MTMR7: variants seen among roughly 807,000 people sequenced by gnomAD.
MTMR7 encodes myotubularin related protein 7.
MTMR7 carries 76 observed loss-of-function variants against 81.2 expected under a neutral mutation model. That is an observed-to-expected ratio of 0.94 (90% CI 0.78 to 1.13). The LOEUF is 1.13. Ranked by LOEUF, MTMR7 falls within the 50% of genes most tolerant of loss-of-function variation. The probability of loss-of-function intolerance (pLI) is 0.00; values close to 1 mark genes in which losing one functional copy is unlikely to be tolerated. For missense variants in MTMR7, 1,044 were observed against 820.0 expected, an observed-to-expected ratio of 1.27 and a Z score of -3.34; for synonymous variants, 372 against 289.8, an observed-to-expected ratio of 1.28 and a Z score of -2.88.
intron 1 of MTMR7, among the ~76,000 whole-genome samples, chr8:17,406,781 C>A (rs767427989): frequency 6.6e-6 from 1 of 152,092 alleles, no homozygotes; most frequent in Non-Finnish European, 1.5e-5. Context: ...AGCCACAGAA[C>A]AGATAAAACG....
intron 7 of MTMR7, among the ~76,000 whole-genome samples, chr8:17,314,190 G>T (rs985661164): frequency 6.6e-6 from 1 of 152,028 alleles, no homozygotes; most frequent in African/African-American, 2.4e-5. Flanking sequence ...TCACAAATAC[G>T]GCAATCCAAA....
In MTMR7 at chr8:17,313,378, T is replaced by A. The variant is rs772809203; in HGVS notation, c.889A>T (p.Met297Leu). Residue 297 changes from methionine to leucine, a missense_variant, in exon 8 of 14, where the codon ATG becomes TTG. Physicochemically the swap from Met to Leu is conservative, Grantham distance 15. Coordinates refer to ENST00000180173, the MANE Select transcript of MTMR7 (RefSeq NM_004686.5). ...LEVCELKSPS[M>L]SDFLWGLENS... is the part of the protein sequence containing the mutation. ...TCCAGACCCCACAGGAAATCACTCA[T>A]GGAGGGAGATTTAAGTTCACACACT... 3.2e-5 allele frequency: 52 copies of A among 1,611,850 alleles called. No homozygotes were observed. Among genetic ancestry groups the A allele is most frequent in the Non-Finnish European group, 4.2e-5 (49 of 1,178,488 alleles).
intron 10 of MTMR7, among the ~76,000 whole-genome samples, chr8:17,308,089 T>TA (rs572550935): frequency 5.7e-4 from 87 of 152,090 alleles, no homozygotes; most frequent in African/African-American, 2.1e-3. Flanking sequence ...ATAATTGCAT[T>TA]ATGGGAGACT....
At position 17,305,751 on chromosome 8, in the gene MTMR7, A is replaced by G. The variant is rs780195763; in HGVS notation, c.1352+6T>C. ...AGTTAAACACCAAAAACACCAAAAC[A>G]CTTACTTGAGTTCTCGTCTCTCCTT... On this transcript the variant is annotated splice_donor_region_variant and intron_variant, in intron 11 of 13. Coordinates refer to ENST00000180173, the MANE Select transcript of MTMR7 (RefSeq NM_004686.5). 4 of 1,601,516 alleles carry G rather than the reference A, an allele frequency of 2.5e-6. No homozygotes were observed. The highest frequency in any genetic ancestry group is 4.5e-5 in the East Asian group (2 of 44,730).
chr8:17,332,383 G>T (rs151170046), intron 6 of MTMR7, among the ~76,000 whole-genome samples: 4 of 152,258 alleles, frequency 2.6e-5, no homozygotes, highest in African/African-American at 9.6e-5. Flanking sequence ...GCCCAAGAAT[G>T]TTTATTGAAA....
chr8:17,413,107 C>A (rs1420166717), intron 1 of MTMR7, among the ~76,000 whole-genome samples, 162 bp downstream of exon 1: 1 of 152,212 alleles, frequency 6.6e-6, no homozygotes, highest in Non-Finnish European at 1.5e-5. Context: ...ACCGGGCTCG[C>A]AGGCACCCCG....
At chr8:17,376,230 G>A (rs577383001) in intron 1 of MTMR7, among the ~76,000 whole-genome samples, 4 of 152,194 alleles carry the variant, frequency 2.6e-5, no homozygotes, top group African/African-American at 4.8e-5. Flanking sequence ...CTCAATCTAC[G>A]TTTCAATCCA....
intron 1 of MTMR7, among the ~76,000 whole-genome samples, chr8:17,411,949 C>G (rs1407933663): frequency 6.6e-6 from 1 of 152,234 alleles, no homozygotes; most frequent in African/African-American, 2.4e-5. Flanking sequence ...TTGGCAAGGG[C>G]AGAGTCCATG....
chr8:17,383,271 G>A (rs7837826), intron 1 of MTMR7, among the ~76,000 whole-genome samples: 16,011 of 152,138 alleles, frequency 0.11, 1,750 homozygotes, highest in African/African-American at 0.27. Context: ...AGGAGGCAGC[G>A]TAACTGTGGT....
intron 6 of MTMR7, among the ~76,000 whole-genome samples, chr8:17,335,021 C>A (rs561880167): frequency 6.6e-6 from 1 of 152,304 alleles, no homozygotes; most frequent in East Asian, 1.9e-4. Context: ...GGGTCCACTA[C>A]AACAGGCCCA....
chr8:17,352,210 T>C (rs1819748902), intron 4 of MTMR7, among the ~76,000 whole-genome samples: 1 of 152,214 alleles, frequency 6.6e-6, no homozygotes, highest in Non-Finnish European at 1.5e-5. Flanking sequence ...ATATCTATTT[T>C]GCAGCAATCA....
chr8:17,302,455 G>A, intron 12 of MTMR7, 175 bp from the exon 13 acceptor site: 2 of 622,768 alleles, frequency 3.2e-6, no homozygotes, highest in Middle Eastern at 3.2e-4. Context: ...TTTTTTTCTT[G>A]GGTCAGTAAA....
chr8:17,380,542 G>A (rs528101520), intron 1 of MTMR7, among the ~76,000 whole-genome samples: 2 of 148,830 alleles, frequency 1.3e-5, no homozygotes, highest in South Asian at 2.2e-4. Context: ...TACCACACAC[G>A]TAAAATACAC....
chr8:17,315,607 C>A (rs1180686267), intron 7 of MTMR7, among the ~76,000 whole-genome samples: 1 of 152,116 alleles, frequency 6.6e-6, no homozygotes, highest in African/African-American at 2.4e-5. Context: ...CTCAATTTTG[C>A]TGTGAATCTA....
At chr8:17,334,440 G>A (rs1309700192) in intron 6 of MTMR7, among the ~76,000 whole-genome samples, 2 of 152,168 alleles carry the variant, frequency 1.3e-5, no homozygotes, top group Admixed American at 6.5e-5. Flanking sequence ...GGTCCTAAAA[G>A]TTCTCAAGTA....
At chr8:17,340,902 T>A (rs891274057) in intron 6 of MTMR7, among the ~76,000 whole-genome samples, 15 of 152,216 alleles carry the variant, frequency 9.9e-5, no homozygotes, top group African/African-American at 3.6e-4. Flanking sequence ...TTAATTTACC[T>A]TATATTTTAT....
At chr8:17,405,248 C>A (rs1337510236) in intron 1 of MTMR7, among the ~76,000 whole-genome samples, 11 of 152,182 alleles carry the variant, frequency 7.2e-5, no homozygotes, top group Non-Finnish European at 1.5e-5. Flanking sequence ...GAAATTTGAA[C>A]CTGCTTACAA....
Position 17,344,279 on chromosome 8 carries a change from A to T in MTMR7, c.598-2782T>A, listed in dbSNP as rs147455927. On this transcript the variant is annotated intron_variant, in intron 5 of 13. Coordinates refer to ENST00000180173, the MANE Select transcript of MTMR7 (RefSeq NM_004686.5). Reference sequence around the variant, plus strand: ...TCTTAACAAAGTAATTCAAGCCCCAATGGGAGGAAATAGGTCAGGCAGCAC... The same window carrying T: ...TCTTAACAAAGTAATTCAAGCCCCATTGGGAGGAAATAGGTCAGGCAGCAC... Among the ~76,000 whole-genome samples, 105 of 152,272 alleles carry T rather than the reference A, an allele frequency of 6.9e-4. 1 individual carries two copies. Among genetic ancestry groups the T allele is most frequent in the African/African-American group, 2.5e-3 (102 of 41,560 alleles).
chr8:17,341,684 C>A (rs373428056), intron 5 of MTMR7, among the ~76,000 whole-genome samples, 187 bp from the exon 6 acceptor site: 1 of 152,188 alleles, frequency 6.6e-6, no homozygotes, highest in Admixed American at 6.5e-5. Context: ...CACTAATGGG[C>A]AAGCAATACA....
Sources: gnomAD v4.1 joint callset for allele counts (sites outside exome capture counted in the v4.1 genomes callset) on GRCh38, gnomAD v4.1.1 for gene constraint, MANE v1.5 for transcripts, NCBI Gene and HGNC (gene_info 2026-07-23, HGNC 2026-07-21) for gene names.